HMBOX1: variants seen among roughly 807,000 people sequenced by gnomAD.
HMBOX1 encodes the protein homeobox-containing protein 1.
In HMBOX1, 14 loss-of-function variants were observed where a neutral mutation model predicts 54.5. The ratio of observed to expected loss-of-function variants is 0.26; its 90% CI spans 0.17 to 0.40. The LOEUF is 0.40. HMBOX1 is among the 10% of genes least tolerant of loss of function. The pLI, the probability that HMBOX1 is intolerant of heterozygous loss-of-function variation, is 1.00. For missense variants in HMBOX1, 332 were observed against 514.4 expected, an observed-to-expected ratio of 0.65 and a Z score of 3.43; for synonymous variants, 160 against 181.0, an observed-to-expected ratio of 0.88 and a Z score of 0.93.
At chr8:28,952,155 T>A in intron 1 of HMBOX1, among the ~76,000 whole-genome samples, 1 of 112,970 alleles carries the variant, frequency 8.9e-6, no homozygotes, top group African/African-American at 3.0e-5. Context: ...TAAGACCCTA[T>A]CTTAAAAAAA....
chr8:29,018,661 A>G, intron 5 of HMBOX1, 99 bp from the exon 6 acceptor site: 1 of 1,225,074 alleles, frequency 8.2e-7, no homozygotes, highest in East Asian at 2.4e-5. Context: ...AGTTGTCACT[A>G]AGCCAAAGAC....
At chr8:29,024,282 GGAGTTCATGAGTTA>G (rs1158302147) in intron 6 of HMBOX1, among the ~76,000 whole-genome samples, 1 of 152,196 alleles carries the variant, frequency 6.6e-6, no homozygotes, top group East Asian at 1.9e-4. Flanking sequence ...ATGAGGGATA[GGAGTTCATGAGTTA>G]GAGAATCTGA....
chr8:28,903,291 T>C (rs966547692), intron 1 of HMBOX1, among the ~76,000 whole-genome samples: 1 of 152,230 alleles, frequency 6.6e-6, no homozygotes, highest in South Asian at 2.1e-4. Flanking sequence ...ATGATGCCAC[T>C]TGTGGCCTTT....
chr8:28,939,229 C>T (rs1024772033), intron 1 of HMBOX1, among the ~76,000 whole-genome samples: 3 of 150,046 alleles, frequency 2.0e-5, no homozygotes, highest in Admixed American at 6.7e-5. Context: ...GCAGAGGTTG[C>T]GGTGAGCCGA....
chr8:28,969,872 G>A (rs1224664610), intron 2 of HMBOX1, among the ~76,000 whole-genome samples, 171 bp from the exon 3 acceptor site: 2 of 152,056 alleles, frequency 1.3e-5, no homozygotes, highest in South Asian at 4.1e-4. Context: ...AATACATTTA[G>A]TATCTGTACC....
At chr8:29,009,822 G>T in intron 5 of HMBOX1, 2 of 1,225,196 alleles carry the variant, frequency 1.6e-6, no homozygotes, top group Non-Finnish European at 1.0e-6. Context: ...ATACTAACAG[G>T]TGATTTTATA....
intron 8 of HMBOX1, 111 bp downstream of exon 8, chr8:29,047,564 CTTTTTTTTTTTTT>C: frequency 3.2e-6 from 1 of 308,010 alleles, no homozygotes; most frequent in South Asian, 3.5e-5. Context: ...CCTAACTTCT[CTTTTTTTTTTTTT>C]TTTTTTTGAG....
Position 28,926,304 on chromosome 8 carries a change from T to TATATAC in HMBOX1, c.-58+35627_-58+35628insTATACA, listed in dbSNP as rs796953426. On this transcript the variant is annotated intron_variant, in intron 1 of 9. Transcript: ENST00000287701. The stretch of plus-strand genomic sequence containing the variant: ...GCAGATATATATATATATATATATA[T>TATATAC]ACACACACACACACACACATATATT... Among the ~76,000 whole-genome samples the TATATAC allele has an allele frequency of 6.5e-4, 93 of 142,216 alleles. 1 individual carries two copies. The highest frequency in any genetic ancestry group is 3.6e-3 in the South Asian group (16 of 4,414). The allele number at this position is 142,216 out of a possible 152,430, so 93.3% of individuals were successfully genotyped here.
intron 4 of HMBOX1, among the ~76,000 whole-genome samples, chr8:29,002,404 A>G (rs1014188331): frequency 1.3e-5 from 2 of 152,200 alleles, no homozygotes; most frequent in Non-Finnish European, 2.9e-5. Context: ...CATTTGTGCC[A>G]CATTTGTTGG....
chr8:28,896,329 G>A (rs1171348830), intron 1 of HMBOX1, among the ~76,000 whole-genome samples: 1 of 152,174 alleles, frequency 6.6e-6, no homozygotes, highest in Non-Finnish European at 1.5e-5. Flanking sequence ...TTAAAACCAG[G>A]AAATTGACAT....
At chr8:29,005,102 G>A (rs929130031) in intron 4 of HMBOX1, among the ~76,000 whole-genome samples, 1 of 152,176 alleles carries the variant, frequency 6.6e-6, no homozygotes, top group South Asian at 2.1e-4. Flanking sequence ...CAAGACAGGA[G>A]AATATTCTAT....
chr8:28,892,968 A>G (rs1054198042), intron 1 of HMBOX1, among the ~76,000 whole-genome samples: 1 of 152,160 alleles, frequency 6.6e-6, no homozygotes, highest in Non-Finnish European at 1.5e-5. Context: ...GGAGTTTTTT[A>G]AAAAATGTTT....
intron 6 of HMBOX1, among the ~76,000 whole-genome samples, chr8:29,025,027 G>T (rs888471698): frequency 6.6e-6 from 1 of 152,164 alleles, no homozygotes; most frequent in Non-Finnish European, 1.5e-5. Context: ...TGCCAAAAAG[G>T]TTGGAGAACA....
rs970968071 is a variant in HMBOX1 at position 28,992,044 on chromosome 8, C to T, written c.586+11888C>T. Among the ~76,000 whole-genome samples the T allele has an allele frequency of 5.3e-5, 8 of 152,122 alleles. No individual in the cohort carries two copies. In the South Asian group the frequency reaches 1.5e-3, roughly 28 times the overall value. On this transcript the variant is annotated intron_variant, in intron 4 of 9. Coordinates refer to ENST00000287701, the MANE Select transcript of HMBOX1 (RefSeq NM_001135726.3). The stretch of plus-strand genomic sequence containing the variant: ...TTGCCAATAGTCATGCAGTTAATTG[C>T]GTTTGTTTTGCCACACAGCCACTGT...
At chr8:28,968,008 T>C (rs191316760) in intron 2 of HMBOX1, among the ~76,000 whole-genome samples, 1 of 152,334 alleles carries the variant, frequency 6.6e-6, no homozygotes, top group African/African-American at 2.4e-5. Context: ...TCTAGATTTT[T>C]CCCTACTTAT....
At chr8:28,973,278 A>G (rs531826520) in intron 3 of HMBOX1, among the ~76,000 whole-genome samples, 36 of 152,318 alleles carry the variant, frequency 2.4e-4, no homozygotes, top group African/African-American at 7.9e-4. Context: ...GAGAACTTCA[A>G]TATTAAGTGG....
rs1269968211 is a variant in HMBOX1, at chr8:29,042,496, A to C, written c.852-2865A>C. Reference sequence around the variant, plus strand: ...TAAGAGAGTGTAAAGTTTTCAGGTAAGTGGGGCAGGAGATGGGATATGAAA... The same window carrying C: ...TAAGAGAGTGTAAAGTTTTCAGGTACGTGGGGCAGGAGATGGGATATGAAA... On this transcript the variant is annotated intron_variant, in intron 6 of 9. Coordinates refer to ENST00000287701, the MANE Select transcript of HMBOX1 (RefSeq NM_001135726.3). 1.3e-5 allele frequency: 5 copies of C among 372,382 alleles called. No homozygotes were observed. The Admixed American group carries it at 1.6e-4, about 12-fold the overall frequency. 23.1% of individuals were successfully genotyped at this position (372,382 alleles called of 1,614,324 possible). A position where few individuals can be genotyped will look rare whatever the true frequency, so the allele number is the denominator to read the frequency against.
At chr8:28,999,656 A>G (rs1832345283) in intron 4 of HMBOX1, among the ~76,000 whole-genome samples, 1 of 151,914 alleles carries the variant, frequency 6.6e-6, no homozygotes, top group South Asian at 2.1e-4. Context: ...CTTCCAGTTC[A>G]TATCTACCGT....
chr8:29,023,410 C>T (rs1191388267), intron 6 of HMBOX1, among the ~76,000 whole-genome samples: 1 of 151,982 alleles, frequency 6.6e-6, no homozygotes, highest in Non-Finnish European at 1.5e-5. Context: ...TATCAGCTCC[C>T]TTCCCTTTTT....
Sources: gnomAD v4.1 joint callset for allele counts (sites outside exome capture counted in the v4.1 genomes callset) on GRCh38, gnomAD v4.1.1 for gene constraint, MANE v1.5 for transcripts, NCBI Gene and HGNC (gene_info 2026-07-23, HGNC 2026-07-21) for gene names.